Variants in CNTNAP2 observed in about 807,000 individuals in gnomAD.
CNTNAP2 encodes the protein contactin-associated protein-like 2.
CNTNAP2 carries 98 observed loss-of-function variants against 155.2 expected under a neutral mutation model. That is an observed-to-expected ratio of 0.63 (90% CI 0.54 to 0.75). The LOEUF (loss-of-function observed/expected upper bound fraction) is 0.75, where lower values mean the gene tolerates loss of function less well. Ranked by LOEUF, CNTNAP2 falls within the 30% of genes least tolerant of loss-of-function variation. The pLI is 0.00. For synonymous variants in CNTNAP2, 651 were observed against 631.2 expected (o/e 1.03, Z -0.47); for missense variants, 1,727 against 1,688.1 (o/e 1.02, Z -0.40).
At chr7:147,637,531 T>G (rs73164394) in intron 12 of CNTNAP2, among the ~76,000 whole-genome samples, 10,521 of 152,050 alleles carry the variant, frequency 0.069, 382 homozygotes, top group Non-Finnish European at 0.075. Context: ...TCTCTTGCGC[T>G]CTGTCTCTCT....
chr7:146,367,631 T>G (rs1256504495), intron 1 of CNTNAP2, among the ~76,000 whole-genome samples: 1 of 152,142 alleles, frequency 6.6e-6, no homozygotes, highest in Non-Finnish European at 1.5e-5. Flanking sequence ...TTGTATCAAA[T>G]TTTTCATGTC....
intron 16 of CNTNAP2, among the ~76,000 whole-genome samples, chr7:148,143,578 C>G (rs1299560057): frequency 2.0e-5 from 3 of 152,178 alleles, no homozygotes; most frequent in African/African-American, 7.2e-5. Flanking sequence ...ACTTGAGAGG[C>G]TGAGGTGGGA....
intron 15 of CNTNAP2, among the ~76,000 whole-genome samples, chr7:148,093,043 T>C (rs1387067606): frequency 6.6e-6 from 1 of 152,070 alleles, no homozygotes; most frequent in Non-Finnish European, 1.5e-5. Flanking sequence ...AAAATGATGC[T>C]CCTTTATAAT....
intron 21 of CNTNAP2, among the ~76,000 whole-genome samples, chr7:148,297,009 C>T (rs1013004277): frequency 7.2e-5 from 11 of 152,098 alleles, no homozygotes; most frequent in African/African-American, 2.7e-4. Flanking sequence ...ATAAAGAACA[C>T]TCAAGACACT....
intron 16 of CNTNAP2, among the ~76,000 whole-genome samples, chr7:148,122,381 C>G (rs1434586032): frequency 6.6e-6 from 1 of 152,098 alleles, no homozygotes. Context: ...GGATGGAATG[C>G]TTTAATTAAA....
At chr7:147,161,722 C>T (rs556642787) in intron 8 of CNTNAP2, 1 of 152,290 alleles carries the variant, frequency 6.6e-6, no homozygotes, top group South Asian at 2.1e-4. Flanking sequence ...TTTTGCTTCA[C>T]TCAAAATTGA....
chr7:147,300,108 A>C, intron 8 of CNTNAP2, 33 bp from the exon 9 acceptor site: 1 of 1,606,830 alleles, frequency 6.2e-7, no homozygotes, highest in Non-Finnish European at 8.5e-7. Flanking sequence ...GGTAATTTTA[A>C]GATAAAAATG....
chr7:147,321,120 A>G (rs1795344259), intron 9 of CNTNAP2, among the ~76,000 whole-genome samples: 2 of 152,192 alleles, frequency 1.3e-5, no homozygotes, highest in Admixed American at 6.5e-5. Flanking sequence ...TGTTCTGCCA[A>G]TTCCCAGTGG....
At chr7:147,378,603 G>GGA (rs1796481277) in intron 9 of CNTNAP2, among the ~76,000 whole-genome samples, 1 of 152,034 alleles carries the variant, frequency 6.6e-6, no homozygotes, top group South Asian at 2.1e-4. Flanking sequence ...TCAAAGGCTG[G>GGA]GAAGGATAGT....
intron 13 of CNTNAP2, among the ~76,000 whole-genome samples, chr7:147,674,461 T>G (rs76828528): frequency 0.068 from 10,375 of 152,208 alleles, 596 homozygotes; most frequent in Admixed American, 0.19. Flanking sequence ...AAAAGACATA[T>G]TATTAGAGCT....
At chr7:146,477,624 A>AAC (rs1162610079) in intron 1 of CNTNAP2, among the ~76,000 whole-genome samples, 5,629 of 131,584 alleles carry the variant, frequency 0.043, 160 homozygotes, top group East Asian at 0.11. Context: ...TTCTTCAGCA[A>AAC]ACACACACAC....
At chr7:146,880,468 T>C (rs1344042441) in intron 3 of CNTNAP2, among the ~76,000 whole-genome samples, 1 of 152,090 alleles carries the variant, frequency 6.6e-6, no homozygotes, top group African/African-American at 2.4e-5. Context: ...AATAAATGTT[T>C]GTTTAAGCCA....
chr7:146,198,128 T>C (rs901777887), intron 1 of CNTNAP2, among the ~76,000 whole-genome samples: 1 of 152,098 alleles, frequency 6.6e-6, no homozygotes, highest in African/African-American at 2.4e-5. Flanking sequence ...CATGTGGGGA[T>C]GACAATTCGG....
chr7:148,383,820 C>T lies in CNTNAP2; in HGVS notation c.3647C>T (p.Ala1216Val), dbSNP rs553418598. The T allele has an allele frequency of 3.9e-5, 63 of 1,614,114 alleles. No homozygotes were observed. The South Asian group carries it at 6.6e-4, about 17-fold the overall frequency. ...GAGCTGGTGGAGTCCAACTGCGGGG[C>T]CTCGCCGCTGACCCTCTCCCCCATG... ...QGELVESNCG[A>V]SPLTLSPMSS... Residue 1216 changes from alanine (A) to valine (V), a missense_variant, in exon 22 of 24, where the codon GCC becomes GTC. Physicochemically the swap from Ala to Val is moderately conservative, Grantham distance 64. Transcript: ENST00000361727.
intron 1 of CNTNAP2, among the ~76,000 whole-genome samples, chr7:146,358,543 T>C (rs959818566): frequency 6.6e-6 from 1 of 152,096 alleles, no homozygotes; most frequent in African/African-American, 2.4e-5. Flanking sequence ...TGGAGACTAA[T>C]GAAAGAAAGA....
chr7:146,413,732 C>T (rs543134973), intron 1 of CNTNAP2, among the ~76,000 whole-genome samples: 169 of 152,286 alleles, frequency 1.1e-3, no homozygotes, highest in Middle Eastern at 3.4e-3. Flanking sequence ...ATTTCAACTA[C>T]TCAAATGAAT....
intron 13 of CNTNAP2, among the ~76,000 whole-genome samples, chr7:147,754,933 A>G (rs999383985): frequency 6.6e-6 from 1 of 152,250 alleles, no homozygotes; most frequent in African/African-American, 2.4e-5. Flanking sequence ...TTAAAAATCA[A>G]AACACTGTTT....
chr7:146,162,562 C>G (rs1188808262), intron 1 of CNTNAP2, among the ~76,000 whole-genome samples: 1 of 152,172 alleles, frequency 6.6e-6, no homozygotes, highest in Non-Finnish European at 1.5e-5. Flanking sequence ...ATTGGTGGGA[C>G]TGTAAACTAG....
chr7:146,211,724 A>G (rs969264687), intron 1 of CNTNAP2, among the ~76,000 whole-genome samples: 1 of 152,178 alleles, frequency 6.6e-6, no homozygotes, highest in African/African-American at 2.4e-5. Flanking sequence ...TGAGTCAAAC[A>G]TGAGGAAATA....
Sources: allele counts gnomAD v4.1 joint callset (sites outside exome capture counted in the v4.1 genomes callset), GRCh38; gene constraint gnomAD v4.1.1; transcripts MANE v1.5; gene names NCBI Gene and HGNC (gene_info 2026-07-23, HGNC 2026-07-21).